LCLAT1: variants seen among roughly 807,000 people sequenced by gnomAD.
LCLAT1 encodes the protein lysocardiolipin acyltransferase 1.
In LCLAT1, 11 loss-of-function variants were observed where a neutral mutation model predicts 30.7. The observed-to-expected ratio is 0.36, with a 90% CI of 0.23 to 0.59. The LOEUF is 0.59. Among genes scored for constraint, LCLAT1 ranks in the 20% least tolerant of loss-of-function variants. The pLI is 0.77. For synonymous variants in LCLAT1, 155 were observed against 151.3 expected (o/e 1.02, Z -0.18); for missense variants, 402 against 458.6 (o/e 0.88, Z 1.13).
rs532673102 is a variant in LCLAT1, at chr2:30,557,568, C to G, written c.365-4578C>G. Among the ~76,000 whole-genome samples, 9 of 152,160 alleles carry G rather than the reference C, an allele frequency of 5.9e-5. No individual in the cohort carries two copies. The South Asian group carries it at 1.9e-3, about 32-fold the overall frequency. On this transcript the variant is annotated intron_variant, in intron 3 of 5. Transcript: ENST00000379509. Reference sequence around the variant, plus strand: ...AAGCTGGGATTACAGGCATGCACCACCATGCCTGGCTAATTTATATATTTT... The same window carrying G: ...AAGCTGGGATTACAGGCATGCACCAGCATGCCTGGCTAATTTATATATTTT...
chr2:30,583,289 G>T (rs1558535081), intron 5 of LCLAT1, among the ~76,000 whole-genome samples: 1 of 152,154 alleles, frequency 6.6e-6, no homozygotes, highest in South Asian at 2.1e-4. Flanking sequence ...AATAGAGATA[G>T]GTAGCAATTA....
At chr2:30,575,608 C>T (rs1328354388) in intron 5 of LCLAT1, among the ~76,000 whole-genome samples, 1 of 152,088 alleles carries the variant, frequency 6.6e-6, no homozygotes, top group Non-Finnish European at 1.5e-5. Flanking sequence ...TCTTAAGACA[C>T]TCTCTTCTTT....
intron 5 of LCLAT1, among the ~76,000 whole-genome samples, chr2:30,595,969 T>C (rs527705224): frequency 1.3e-5 from 2 of 152,210 alleles, no homozygotes; most frequent in Non-Finnish European, 2.9e-5. Context: ...AAGGACATGA[T>C]CTCACTCCTG....
chr2:30,588,748 G>T (rs563018141), intron 5 of LCLAT1, among the ~76,000 whole-genome samples: 2 of 151,912 alleles, frequency 1.3e-5, no homozygotes, highest in African/African-American at 4.8e-5. Context: ...TTACAGGCAC[G>T]TGCCACCACA....
At chr2:30,479,662 G>C (rs1683231000) in intron 1 of LCLAT1, among the ~76,000 whole-genome samples, 1 of 152,312 alleles carries the variant, frequency 6.6e-6, no homozygotes, top group South Asian at 2.1e-4. Context: ...GGACATGCAT[G>C]AAGGAGGCTT....
chr2:30,525,961 A>C (rs1448528364), intron 2 of LCLAT1, among the ~76,000 whole-genome samples: 1 of 152,162 alleles, frequency 6.6e-6, no homozygotes, highest in Non-Finnish European at 1.5e-5. Flanking sequence ...TTGTTAGGGA[A>C]TTGTATTGCT....
chr2:30,481,596 C>T (rs1307305265), intron 1 of LCLAT1, among the ~76,000 whole-genome samples: 2 of 152,054 alleles, frequency 1.3e-5, no homozygotes, highest in Admixed American at 6.5e-5. Flanking sequence ...GGAATGCTGC[C>T]AAGAGGGTAG....
intron 1 of LCLAT1, among the ~76,000 whole-genome samples, chr2:30,451,810 ATATATT>A (rs1317202550): frequency 6.7e-6 from 1 of 149,056 alleles, no homozygotes; most frequent in Admixed American, 6.7e-5. Flanking sequence ...GTAAATTGTG[ATATATT>A]TATAAGATGA....
At chr2:30,482,602 C>T (rs879520838) in intron 1 of LCLAT1, among the ~76,000 whole-genome samples, 32 of 152,018 alleles carry the variant, frequency 2.1e-4, no homozygotes, top group Non-Finnish European at 2.5e-4. Context: ...TTTGAATATG[C>T]TGTGTAGTAA....
intron 3 of LCLAT1, among the ~76,000 whole-genome samples, chr2:30,550,017 C>A (rs1381736909): frequency 6.6e-6 from 1 of 152,110 alleles, no homozygotes; most frequent in Non-Finnish European, 1.5e-5. Context: ...TACTGATAAT[C>A]TTCAATTATT....
In LCLAT1 at chr2:30,562,261, C is replaced by G; in HGVS notation, c.480C>G (p.Leu160=). Reference sequence around the variant, plus strand: ...GTGATATTCACGAACCACTTCAACTCCTCATATTCCCAGAAGGGACTGATC... The same window carrying G: ...GTGATATTCACGAACCACTTCAACTGCTCATATTCCCAGAAGGGACTGATC... ...YFCDIHEPLQ[L]LIFPEGTDLT... Residue 160 remains leucine, a synonymous_variant, in exon 4 of 6, where the codon CTC becomes CTG. Transcript: ENST00000379509. 3 of 1,612,112 alleles carry G rather than the reference C, an allele frequency of 1.9e-6. No homozygotes were observed. The highest frequency in any genetic ancestry group is 2.5e-6 in the Non-Finnish European group (3 of 1,178,654).
intron 5 of LCLAT1, chr2:30,606,907 T>C (rs999302651): frequency 1.3e-5 from 2 of 151,896 alleles, no homozygotes; most frequent in Non-Finnish European, 2.9e-5. Context: ...AACAACCCCA[T>C]TAAAAAAGTG....
chr2:30,555,487 A>T lies in LCLAT1; in HGVS notation c.365-6659A>T, dbSNP rs183340186. On this transcript the variant is annotated intron_variant, in intron 3 of 5. Coordinates refer to ENST00000379509, the MANE Select transcript of LCLAT1 (RefSeq NM_001002257.3). The stretch of plus-strand genomic sequence containing the variant: ...TGTTAGTTATAATAATACAGTAATT[A>T]TTATATAATTGCTGTTGCAGTAAAA... Among the ~76,000 whole-genome samples, 15 of 152,294 alleles carry T rather than the reference A, an allele frequency of 9.8e-5. No individual in the cohort carries two copies. The East Asian group carries it at 2.9e-3, about 29-fold the overall frequency.
intron 4 of LCLAT1, among the ~76,000 whole-genome samples, chr2:30,563,335 A>C (rs1665328573): frequency 6.6e-6 from 1 of 152,324 alleles, no homozygotes; most frequent in East Asian, 1.9e-4. Flanking sequence ...TTATTTTTGC[A>C]GATGAAGCCT....
intron 1 of LCLAT1, among the ~76,000 whole-genome samples, chr2:30,449,499 T>C (rs1681436458): frequency 6.6e-6 from 1 of 151,980 alleles, no homozygotes; most frequent in African/African-American, 2.4e-5. Flanking sequence ...TATGACTAAT[T>C]TCTTTTTTTT....
intron 3 of LCLAT1, among the ~76,000 whole-genome samples, chr2:30,550,391 TACC>T (rs1333321082): frequency 1.3e-5 from 2 of 152,234 alleles, no homozygotes; most frequent in Non-Finnish European, 2.9e-5. Flanking sequence ...CAACTGAGAA[TACC>T]ACCTTGCTTT....
chr2:30,467,567 G>A (rs1682510726), intron 1 of LCLAT1, among the ~76,000 whole-genome samples: 1 of 152,194 alleles, frequency 6.6e-6, no homozygotes, highest in Non-Finnish European at 1.5e-5. Context: ...GTGTAAAAGT[G>A]TTCCTATTTC....
At chr2:30,618,446 T>C (rs1340956227) in intron 5 of LCLAT1, among the ~76,000 whole-genome samples, 1 of 152,218 alleles carries the variant, frequency 6.6e-6, no homozygotes, top group Admixed American at 6.5e-5. Context: ...TTTTATAGTT[T>C]GCATTCTTGC....
At chr2:30,456,790 G>C (rs1681860587) in intron 1 of LCLAT1, among the ~76,000 whole-genome samples, 1 of 152,198 alleles carries the variant, frequency 6.6e-6, no homozygotes, top group Non-Finnish European at 1.5e-5. Context: ...TATCTTCAGA[G>C]TCCAGAGTCT....
Sources: gnomAD v4.1 joint callset for allele counts (sites outside exome capture counted in the v4.1 genomes callset) on GRCh38, gnomAD v4.1.1 for gene constraint, MANE v1.5 for transcripts, NCBI Gene and HGNC (gene_info 2026-07-23, HGNC 2026-07-21) for gene names.